The following PCSK7 variants were observed in gnomAD, a reference collection of about 807,000 sequenced individuals.
PCSK7 encodes the protein proprotein convertase subtilisin/kexin type 7, also known as lymphoma proprotein convertase.
In PCSK7, 38 loss-of-function variants were observed where a neutral mutation model predicts 73.3. The observed-to-expected ratio is 0.52, with a 90% CI of 0.40 to 0.68. The LOEUF (loss-of-function observed/expected upper bound fraction) is 0.68. Ranked by LOEUF, PCSK7 falls within the 30% of genes least tolerant of loss-of-function variation. PCSK7 has a pLI of 0.00. For missense variants in PCSK7, 692 were observed against 991.5 expected, an observed-to-expected ratio of 0.70 and a Z score of 4.06; for synonymous variants, 296 against 383.8, an observed-to-expected ratio of 0.77 and a Z score of 2.68.
intron 12 of PCSK7, chr11:117,215,527 A>G (rs1166932455): frequency 1.3e-5 from 2 of 150,040 alleles, no homozygotes; most frequent in Admixed American, 1.3e-4. Context: ...CAGCCTCCCG[A>G]GTAGCTGGGA....
At position 117,204,471 on chromosome 11, in the gene PCSK7, T is replaced by C. The variant is rs2031252549; in HGVS notation, c.*1526A>G. On this transcript the variant is annotated 3_prime_UTR_variant, in exon 17 of 17. Transcript: ENST00000320934. ...TGGTACCTTCAGCCCTGGCCAAGCTTTGAGGCTCTGTCACTGAGCAATGGT... is the reference window on the plus strand; with the variant it reads ...TGGTACCTTCAGCCCTGGCCAAGCTCTGAGGCTCTGTCACTGAGCAATGGT... The C allele has an allele frequency of 6.6e-7, 1 of 1,522,500 alleles. No homozygotes were observed. The highest frequency in any genetic ancestry group is 9.0e-7 in the Non-Finnish European group (1 of 1,113,146). 94.3% of individuals were successfully genotyped at this position (1,522,500 alleles called of 1,614,324 possible). A position where few individuals can be genotyped will look rare whatever the true frequency, so the allele number is the denominator to read the frequency against.
chr11:117,224,315 G>A, intron 7 of PCSK7, 99 bp from the exon 8 acceptor site: 5 of 1,302,636 alleles, frequency 3.8e-6, no homozygotes, highest in Non-Finnish European at 5.4e-6. Context: ...GAAACAAAGG[G>A]AAAAAAGTTC....
intron 12 of PCSK7, chr11:117,213,135 T>TG (rs2134295211): frequency 6.6e-6 from 1 of 152,362 alleles, no homozygotes; most frequent in African/African-American, 2.4e-5. Flanking sequence ...ACTATGCCTA[T>TG]AAACCTCACT....
intron 9 of PCSK7, chr11:117,222,770 C>T (rs4936368): frequency 0.25 from 40,300 of 158,724 alleles, 5,508 homozygotes; most frequent in African/African-American, 0.35. Context: ...CCTCAGCCTC[C>T]CAAGTAGCTG....
At chr11:117,211,468 T>G (rs1173998699) in intron 12 of PCSK7, 1 of 152,248 alleles carries the variant, frequency 6.6e-6, no homozygotes, top group Non-Finnish European at 1.5e-5. Context: ...CCCATTTCTT[T>G]GAAAACAACC....
rs1308237540 is a variant in PCSK7 at position 117,205,291 on chromosome 11, CAG to C, written c.*704_*705del. 8.6e-6 allele frequency: 2 copies of C among 233,664 alleles called. No individual in the cohort carries two copies. The highest frequency in any genetic ancestry group is 2.2e-5 in the African/African-American group (1 of 45,366). The allele number at this position is 233,664 out of a possible 1,614,324, so 14.5% of individuals were successfully genotyped here. A position where few individuals can be genotyped will look rare whatever the true frequency, so the allele number is the denominator to read the frequency against. On this transcript the variant is annotated 3_prime_UTR_variant, in exon 17 of 17. Transcript: ENST00000320934. ...TTCCCTGAGCACTTGCAGAGGAAGA[CAG>C]GGTGGTGGCAGGACTGGAGTGGCAG...
rs375277787 is a variant in PCSK7, at chr11:117,218,535, C to T, written c.1465G>A (p.Val489Ile). 1.9e-4 allele frequency: 299 copies of T among 1,609,370 alleles called. No individual in the cohort carries two copies. Among genetic ancestry groups the T allele is most frequent in the Non-Finnish European group, 2.4e-4 (278 of 1,177,556 alleles). ...TTGTTTTCTTTTAACACGGGACTGA[C>T]GTAGGATGCTAAGTAAGGGACAGAT... ...WTSVPYLASY[V>I]SPVLKENKAI... Residue 489 changes from valine (V) to isoleucine (I), a missense_variant, in exon 12 of 17, where the codon GTC becomes ATC. Val to Ile is a conservative substitution (Grantham distance 29). Transcript: ENST00000320934. The surrounding 1 kb of genome is among the most constrained non-coding windows in gnomAD (Gnocchi z 4.0).
At chr11:117,229,965 C>A in intron 2 of PCSK7, 109 bp from the exon 3 acceptor site, 1 of 645,332 alleles carries the variant, frequency 1.5e-6, no homozygotes, top group South Asian at 2.1e-5. Context: ...GTCCCTAAGC[C>A]ATGCCTTTTA....
intron 12 of PCSK7, chr11:117,210,387 T>A: frequency 7.2e-6 from 1 of 138,962 alleles, no homozygotes; most frequent in Non-Finnish European, 1.5e-5. Flanking sequence ...TGAGACAGAG[T>A]CTCTCTCTGT....
At chr11:117,230,850 G>A (rs1410944398) in intron 1 of PCSK7, among the ~76,000 whole-genome samples, 3 of 152,126 alleles carry the variant, frequency 2.0e-5, no homozygotes, top group Non-Finnish European at 4.4e-5. Context: ...GGGGCGAAAC[G>A]GGGAAAGCCA....
chr11:117,214,674 G>A (rs2031886414), intron 12 of PCSK7: 1 of 152,264 alleles, frequency 6.6e-6, no homozygotes, highest in Admixed American at 6.5e-5. Context: ...CTGTGGCAGA[G>A]GGAGTGTGTG....
chr11:117,217,743 CAGGAAAA>C (rs2032042513), intron 12 of PCSK7: 1 of 152,172 alleles, frequency 6.6e-6, no homozygotes, highest in Non-Finnish European at 1.5e-5. Flanking sequence ...TAAATGACTC[CAGGAAAA>C]AGAATCCCCC....
intron 12 of PCSK7, chr11:117,213,125 A>T (rs2134295181): frequency 6.6e-6 from 1 of 152,362 alleles, no homozygotes; most frequent in Admixed American, 6.5e-5. Flanking sequence ...ATAACACTGC[A>T]CTATGCCTAT....
chr11:117,215,136 T>C (rs766207842), intron 12 of PCSK7: 17 of 152,084 alleles, frequency 1.1e-4, no homozygotes, highest in Admixed American at 2.6e-4. Context: ...TAGCCACACA[T>C]GGCTATCTAA....
At chr11:117,213,821 G>A (rs12418744) in intron 12 of PCSK7, 41,696 of 151,976 alleles carry the variant, frequency 0.27, 6,485 homozygotes, top group African/African-American at 0.42. Context: ...CTAACGCTGC[G>A]AACAGTGATT....
At chr11:117,225,695 A>G in intron 6 of PCSK7, 2 of 556,638 alleles carry the variant, frequency 3.6e-6, no homozygotes, top group South Asian at 4.7e-5. Flanking sequence ...GAAAACAAAT[A>G]AATGTGCACA....
At chr11:117,227,048 G>A in intron 5 of PCSK7, 109 bp downstream of exon 5, 1 of 857,142 alleles carries the variant, frequency 1.2e-6, no homozygotes, top group South Asian at 1.7e-5. Flanking sequence ...TGCTATGTGT[G>A]TCAGCTGGGC....
chr11:117,217,584 C>T (rs1488495653), intron 12 of PCSK7: 1 of 152,182 alleles, frequency 6.6e-6, no homozygotes, highest in Non-Finnish European at 1.5e-5. Context: ...TGAGGGAAGC[C>T]ACCCCTCATC....
intron 14 of PCSK7, 185 bp downstream of exon 14, chr11:117,207,785 T>C (rs1447756085): frequency 1.5e-6 from 1 of 663,636 alleles, no homozygotes; most frequent in South Asian, 1.7e-5. Context: ...AGAGGTAGTA[T>C]AAATGAACAG....
Sources: allele counts gnomAD v4.1 joint callset (sites outside exome capture counted in the v4.1 genomes callset), GRCh38; gene constraint gnomAD v4.1.1; non-coding constraint Gnocchi (gnomAD v3.1); transcripts MANE v1.5; gene names NCBI Gene and HGNC (gene_info 2026-07-23, HGNC 2026-07-21).